The following TMCO4 variants were observed in gnomAD, a reference collection of about 807,000 sequenced individuals.
TMCO4 encodes the protein transmembrane and coiled-coil domain-containing protein 4.
Under a neutral mutation model 64.7 loss-of-function variants are expected in TMCO4, and 58 were observed. The ratio of observed to expected loss-of-function variants is 0.90; its 90% CI spans 0.73 to 1.12. The LOEUF (loss-of-function observed/expected upper bound fraction) is 1.12, where lower values mean the gene tolerates loss of function less well. Ranked by LOEUF, TMCO4 falls within the 50% of genes most tolerant of loss-of-function variation. The pLI is 0.00. For synonymous variants in TMCO4, 325 were observed against 346.1 expected, an observed-to-expected ratio of 0.94 and a Z score of 0.68; for missense variants, 780 against 825.9, an observed-to-expected ratio of 0.94 and a Z score of 0.68.
chr1:19,770,433 A>G, intron 6 of TMCO4, 109 bp downstream of exon 6: 1 of 1,291,538 alleles, frequency 7.7e-7, no homozygotes, highest in Middle Eastern at 1.9e-4. Context: ...TCCTGAAGTC[A>G]AAAGACCACG....
At chr1:19,790,494 C>T (rs1489613839) in intron 2 of TMCO4, among the ~76,000 whole-genome samples, 3 of 151,908 alleles carry the variant, frequency 2.0e-5, no homozygotes, top group Non-Finnish European at 4.4e-5. Flanking sequence ...AAAAAGTGGG[C>T]AAAGTACATG....
rs146020944 is a variant in TMCO4, at chr1:19,755,036, A to G, written c.515+598T>C. 1.8e-4 allele frequency among the ~76,000 whole-genome samples: 28 copies of G among 152,326 alleles called. 1 individual carries two copies. In the East Asian group the frequency reaches 3.9e-3, roughly 21 times the overall value. ...CAATTGTGCCCGTGAACCAGGTGTC[A>G]TAAGAGCCTGAGGTGGAACAGGGTG... On this transcript the variant is annotated intron_variant, in intron 7 of 15. Transcript: ENST00000294543.
At position 19,797,335 on chromosome 1, in the gene TMCO4, T is replaced by C. The variant is rs576005275; in HGVS notation, c.-101+802A>G. 2.6e-5 allele frequency among the ~76,000 whole-genome samples: 4 copies of C among 152,124 alleles called. No individual in the cohort carries two copies. The East Asian group carries it at 7.7e-4, about 29-fold the overall frequency. On this transcript the variant is annotated intron_variant, in intron 2 of 15. Coordinates refer to ENST00000294543, the MANE Select transcript of TMCO4 (RefSeq NM_181719.7). ...AGTCTTGTGGCCTGGGCATTTGGAGTACAAGTCTGGCTAGGGCTAAAATGT... is the reference window on the plus strand; with the variant it reads ...AGTCTTGTGGCCTGGGCATTTGGAGCACAAGTCTGGCTAGGGCTAAAATGT...
intron 15 of TMCO4, among the ~76,000 whole-genome samples, chr1:19,689,503 C>CA (rs1209829540): frequency 6.6e-6 from 1 of 152,146 alleles, no homozygotes; most frequent in Non-Finnish European, 1.5e-5. Context: ...TTAGGCGTTT[C>CA]CACCATTTCC....
chr1:19,782,248 T>A (rs1188566125), intron 3 of TMCO4, among the ~76,000 whole-genome samples: 1 of 152,142 alleles, frequency 6.6e-6, no homozygotes, highest in African/African-American at 2.4e-5. Context: ...ACAGCAAACA[T>A]GAATGAATCT....
chr1:19,731,293 T>C (rs575754498), intron 13 of TMCO4, among the ~76,000 whole-genome samples: 2 of 152,312 alleles, frequency 1.3e-5, no homozygotes, highest in East Asian at 3.9e-4. Context: ...TGCTATAATA[T>C]GACATGCCTA....
intron 13 of TMCO4, among the ~76,000 whole-genome samples, chr1:19,721,242 G>C (rs1345435482): frequency 6.6e-6 from 1 of 152,202 alleles, no homozygotes; most frequent in Admixed American, 6.5e-5. Context: ...ACAGCCATCA[G>C]GGCTCACTGT....
chr1:19,735,415 C>T (rs1283225151), intron 13 of TMCO4, among the ~76,000 whole-genome samples: 1 of 152,172 alleles, frequency 6.6e-6, no homozygotes, highest in Non-Finnish European at 1.5e-5. Flanking sequence ...AATATCAAAA[C>T]CCAAAATCTC....
chr1:19,759,531 C>T lies in TMCO4; in HGVS notation c.383-3765G>A, dbSNP rs562254220. Among the ~76,000 whole-genome samples, 150 of 152,340 alleles carry T rather than the reference C, an allele frequency of 9.8e-4. 1 individual carries two copies. Among genetic ancestry groups the T allele is most frequent in the Non-Finnish European group, 1.2e-3 (83 of 68,030 alleles). On this transcript the variant is annotated intron_variant, in intron 6 of 15. Transcript: ENST00000294543. ...TCCAGCCCCTTCCTGCCATCCTCTC[C>T]GACCTCACCTTCTACCCGGCCCTGC...
intron 6 of TMCO4, among the ~76,000 whole-genome samples, chr1:19,757,702 C>T (rs768317795): frequency 9.2e-5 from 14 of 152,140 alleles, no homozygotes; most frequent in Non-Finnish European, 1.8e-4. Context: ...GTATCTTCCC[C>T]ATTTGATTGT....
At chr1:19,747,080 A>C in intron 8 of TMCO4, 83 bp downstream of exon 8, 1 of 1,417,522 alleles carries the variant, frequency 7.1e-7, no homozygotes, top group Non-Finnish European at 9.9e-7. Context: ...GAGCCCCTGC[A>C]CTCTCCACTC....
intron 4 of TMCO4, among the ~76,000 whole-genome samples, chr1:19,775,512 G>A (rs769001651): frequency 2.0e-5 from 3 of 152,218 alleles, no homozygotes; most frequent in Non-Finnish European, 4.4e-5. Context: ...CAGCTAACCA[G>A]CCATATCTTG....
chr1:19,712,708 T>C (rs2095336997), intron 13 of TMCO4, among the ~76,000 whole-genome samples: 1 of 152,114 alleles, frequency 6.6e-6, no homozygotes, highest in Non-Finnish European at 1.5e-5. Flanking sequence ...GCACATGTAC[T>C]AGTGAAAAGG....
At chr1:19,793,906 A>G (rs1571074148) in intron 2 of TMCO4, among the ~76,000 whole-genome samples, 1 of 152,116 alleles carries the variant, frequency 6.6e-6, no homozygotes. Context: ...CTGTTCAAGC[A>G]CAGCACCCAG....
chr1:19,683,239 T>A lies in TMCO4; in HGVS notation c.1706A>T (p.Asp569Val), dbSNP rs1302171462. ...VGQTQGPISG[D>V]TSKLAMSTDP... ...TGTGGACATGGCCAATTTGGAGGTG[T>A]CTCCGGATATGGGACCCTGGGTTTG... Residue 569 changes from aspartate to valine, a missense_variant, in exon 16 of 16, where the codon GAC (aspartate) becomes GTC (valine). Physicochemically the swap from Asp to Val is radical, Grantham distance 152. Transcript: ENST00000294543. 1 of 1,614,138 alleles carries A rather than the reference T, an allele frequency of 6.2e-7. No homozygotes were observed. The highest frequency in any genetic ancestry group is 2.2e-5 in the East Asian group (1 of 44,858).
intron 7 of TMCO4, among the ~76,000 whole-genome samples, chr1:19,754,073 T>A (rs1031169033): frequency 5.3e-5 from 8 of 152,206 alleles, no homozygotes; most frequent in Admixed American, 3.3e-4. Context: ...ATTTTACAGG[T>A]GAGGAAGTTG....
chr1:19,772,465 AGAAG>A (rs1237284704), intron 4 of TMCO4, among the ~76,000 whole-genome samples: 1 of 152,036 alleles, frequency 6.6e-6, no homozygotes, highest in African/African-American at 2.4e-5. Context: ...GCTCTAGGGG[AGAAG>A]GAAGCCTTTG....
At chr1:19,778,556 C>T (rs921235314) in intron 4 of TMCO4, among the ~76,000 whole-genome samples, 6 of 152,198 alleles carry the variant, frequency 3.9e-5, no homozygotes, top group African/African-American at 1.4e-4. Context: ...TGAGCCACTG[C>T]ACCCGGCTAC....
intron 2 of TMCO4, among the ~76,000 whole-genome samples, chr1:19,792,221 T>C (rs936527659): frequency 2.0e-5 from 3 of 152,114 alleles, no homozygotes; most frequent in Non-Finnish European, 4.4e-5. Context: ...ATACTTAACC[T>C]AGAAGAGGAT....
Sources: gnomAD v4.1 joint callset for allele counts (sites outside exome capture counted in the v4.1 genomes callset) on GRCh38, gnomAD v4.1.1 for gene constraint, MANE v1.5 for transcripts, NCBI Gene and HGNC (gene_info 2026-07-23, HGNC 2026-07-21) for gene names.